FAM153A: variants seen among roughly 807,000 people sequenced by gnomAD.
The protein encoded by FAM153A is protein FAM153A.
A neutral mutation model predicts 48.1 loss-of-function variants in FAM153A; 12 were observed. That is an observed-to-expected ratio of 0.25 (90% CI 0.16 to 0.40). The LOEUF is 0.40. FAM153A is among the 10% of genes least tolerant of loss of function. The probability of loss-of-function intolerance (pLI) is 1.00; values close to 1 mark genes in which losing one functional copy is unlikely to be tolerated. For synonymous variants in FAM153A, 36 were observed against 118.2 expected (o/e 0.30, Z 4.51); for missense variants, 111 against 345.8 (o/e 0.32, Z 5.38).
At chr5:177,779,253 G>T (rs1475418201) in intron 1 of FAM153A, among the ~76,000 whole-genome samples, 1 of 126,794 alleles carries the variant, frequency 7.9e-6, no homozygotes, top group African/African-American at 3.0e-5. Flanking sequence ...AGTGGATTTG[G>T]TCATTAACAA....
chr5:177,695,808 C>T, the FAM153A span, among the ~76,000 whole-genome samples: 9 of 151,214 alleles, frequency 6.0e-5, no homozygotes, highest in East Asian at 2.0e-4. Flanking sequence ...ATGGGGCGGC[C>T]GGGCAGAGGC....
Position 177,731,993 on chromosome 5 carries a change from T to C in FAM153A, c.831+37A>G. On this transcript the variant is annotated intron_variant, in intron 15 of 20. Coordinates refer to ENST00000614127, the Ensembl canonical transcript of FAM153A. ...ATTGAAACAGAGAAACCGAGAGAAA[T>C]AAAATTTCCTTTTCAGAGGAAAGAA... 7.5e-6 allele frequency: 2 copies of C among 268,300 alleles called. 1 individual carries two copies. The highest frequency in any genetic ancestry group is 6.5e-5 in the South Asian group (2 of 30,586). 16.6% of individuals were successfully genotyped at this position (268,300 alleles called of 1,614,324 possible). A position where few individuals can be genotyped will look rare whatever the true frequency, so the allele number is the denominator to read the frequency against.
At chr5:177,706,408 C>T (rs988267938), downstream of FAM153A, among the ~76,000 whole-genome samples, 3 of 151,656 alleles carry the variant, frequency 2.0e-5, no homozygotes, top group East Asian at 1.9e-4. Flanking sequence ...ACCGTGTTAG[C>T]CAGGATGGTC....
chr5:177,716,273 T>C (rs1412294977), intron 25 of FAM153A: 1 of 151,928 alleles, frequency 6.6e-6, no homozygotes, highest in Non-Finnish European at 1.5e-5. Flanking sequence ...TGAGCCACCA[T>C]GCATGGCCCA....
chr5:177,739,754 T>C, intron 8 of FAM153A, 84 bp from the exon 11 acceptor site: 1 of 191,428 alleles, frequency 5.2e-6, no homozygotes, highest in Non-Finnish European at 8.8e-6. Flanking sequence ...GACATGAGGC[T>C]GGCATGTGTG....
intron 11 of FAM153A, 86 bp downstream of exon 13, chr5:177,736,956 G>C: frequency 1.7e-6 from 2 of 1,153,258 alleles, no homozygotes; most frequent in South Asian, 3.1e-5. Flanking sequence ...AGTGTACATG[G>C]TGAGATGTAT....
At chr5:177,761,292 G>A (rs1768288993) in intron 1 of FAM153A, among the ~76,000 whole-genome samples, 1 of 151,698 alleles carries the variant, frequency 6.6e-6, no homozygotes. Context: ...AAAGGAAACT[G>A]CCAACGAGGT....
intron 10 of FAM153A, among the ~76,000 whole-genome samples, chr5:177,738,579 C>A (rs1765054936): frequency 6.6e-6 from 1 of 151,318 alleles, no homozygotes; most frequent in African/African-American, 2.5e-5. Flanking sequence ...ATGGCATCAA[C>A]CTTCCACCCA....
intron 6 of FAM153A, among the ~76,000 whole-genome samples, chr5:177,741,638 A>G (rs1765435302): frequency 1.9e-5 from 1 of 52,848 alleles, no homozygotes. Flanking sequence ...TGACAATGTC[A>G]TTTATCTTTC....
At chr5:177,705,611 T>C (rs1162161508), downstream of FAM153A, among the ~76,000 whole-genome samples, 1 of 147,306 alleles carries the variant, frequency 6.8e-6, no homozygotes, top group Non-Finnish European at 1.5e-5. Context: ...AAAAGAAGTG[T>C]AAAACTTGTG....
chr5:177,728,745 T>A (rs538716790), intron 18 of FAM153A, among the ~76,000 whole-genome samples: 1 of 151,066 alleles, frequency 6.6e-6, no homozygotes, highest in East Asian at 1.9e-4. Context: ...TTTTGTATTT[T>A]TAGGAGCGAT....
chr5:177,709,765 G>A (rs1320690741), downstream of FAM153A, among the ~76,000 whole-genome samples: 1 of 126,146 alleles, frequency 7.9e-6, no homozygotes, highest in Non-Finnish European at 1.7e-5. Context: ...CTGCCTCCCG[G>A]GTTCAAGCGA....
In FAM153A at chr5:177,728,569, G is replaced by T. The variant is rs2334810; in HGVS notation, c.964+454C>A. 5.5e-4 allele frequency among the ~76,000 whole-genome samples: 74 copies of T among 134,300 alleles called. 1 individual carries two copies. The highest frequency in any genetic ancestry group is 4.0e-3 in the Middle Eastern group (1 of 252). The allele number at this position is 134,300 out of a possible 152,430, so 88.1% of individuals were successfully genotyped here. A position where few individuals can be genotyped will look rare whatever the true frequency, so the allele number is the denominator to read the frequency against. ...TGTTGGGGTGTTTTTTTTTTTGTTT[G>T]TTTTTGTTTTTTTTTTTGAGACGGA... On this transcript the variant is annotated intron_variant, in intron 18 of 20. Coordinates refer to ENST00000614127, the Ensembl canonical transcript of FAM153A.
intron 14 of FAM153A, among the ~76,000 whole-genome samples, chr5:177,734,005 C>T (rs1277714646): frequency 8.8e-6 from 1 of 113,786 alleles, no homozygotes; most frequent in East Asian, 3.1e-4. Context: ...GTGCCTGCAA[C>T]AGGACTGCAA....
downstream of FAM153A, among the ~76,000 whole-genome samples, chr5:177,703,159 C>T (rs1290093578): frequency 6.6e-5 from 10 of 150,936 alleles, no homozygotes; most frequent in South Asian, 6.2e-4. Flanking sequence ...AGAGTGGTGT[C>T]GGGGGCTGAG....
intron 17 of FAM153A, among the ~76,000 whole-genome samples, 194 bp downstream of exon 19, chr5:177,729,291 G>A (rs1763331785): frequency 8.3e-6 from 1 of 121,170 alleles, no homozygotes; most frequent in Non-Finnish European, 1.9e-5. Flanking sequence ...AATGCCTGTT[G>A]ACACACAGTT....
downstream of FAM153A, among the ~76,000 whole-genome samples, chr5:177,705,375 C>T (rs971735948): frequency 2.1e-5 from 3 of 140,834 alleles, no homozygotes; most frequent in Non-Finnish European, 4.5e-5. Flanking sequence ...TGAGATACCT[C>T]ACTTCTCCTT....
chr5:177,781,264 A>ATTTTTT (rs1303137176), upstream of FAM153A, among the ~76,000 whole-genome samples: 159 of 75,278 alleles, frequency 2.1e-3, 1 homozygote, highest in African/African-American at 6.6e-3. Flanking sequence ...ACGCCCGGCT[A>ATTTTTT]TTTTTTTTTT....
intron 26 of FAM153A, among the ~76,000 whole-genome samples, chr5:177,713,432 T>G (rs1024877667): frequency 6.6e-6 from 1 of 151,120 alleles, no homozygotes; most frequent in African/African-American, 2.5e-5. Context: ...TTTTTTTTTG[T>G]ATTTTTAGTA....
Sources: gnomAD v4.1 joint callset for allele counts (sites outside exome capture counted in the v4.1 genomes callset) on GRCh38, gnomAD v4.1.1 for gene constraint, MANE v1.5 for transcripts, NCBI Gene and HGNC (gene_info 2026-07-23, HGNC 2026-07-21) for gene names.